The following IGF1 variants were observed in gnomAD, a reference collection of about 807,000 sequenced individuals.
IGF1 encodes insulin-like growth factor 1.
A neutral mutation model predicts 13.8 loss-of-function variants in IGF1; 4 were observed. The observed-to-expected ratio is 0.29, with a 90% CI of 0.14 to 0.66. IGF1 has a LOEUF of 0.66. Ranked by LOEUF, IGF1 falls within the 30% of genes least tolerant of loss-of-function variation. The probability of loss-of-function intolerance (pLI) is 0.78; values close to 1 mark genes in which losing one functional copy is unlikely to be tolerated. For missense variants in IGF1, 124 were observed against 188.5 expected (o/e 0.66, Z 2.00); for synonymous variants, 76 against 72.6 (o/e 1.05, Z -0.23).
upstream of IGF1, among the ~76,000 whole-genome samples, chr12:102,481,351 GT>G (rs1881383324): frequency 9.8e-6 from 1 of 102,068 alleles, no homozygotes; most frequent in Non-Finnish European, 1.8e-5. Context: ...TCAAACCTGT[GT>G]GTGTGTGTGT....
intron 2 of IGF1, among the ~76,000 whole-genome samples, chr12:102,426,129 G>C (rs1025559755): frequency 1.3e-5 from 2 of 152,150 alleles, no homozygotes; most frequent in Non-Finnish European, 1.5e-5. Context: ...TGTGACATCT[G>C]TCATACCAAT....
At chr12:102,443,715 AC>A (rs1878062966) in intron 2 of IGF1, among the ~76,000 whole-genome samples, 1 of 152,082 alleles carries the variant, frequency 6.6e-6, no homozygotes, top group South Asian at 2.1e-4. Context: ...ATATATTTAC[AC>A]AGAGTTTCTG....
chr12:102,402,241 T>G lies in IGF1; in HGVS notation c.*266A>C. 3.9e-6 allele frequency: 1 copy of G among 255,202 alleles called. No homozygotes were observed. 15.8% of individuals were successfully genotyped at this position (255,202 alleles called of 1,614,324 possible). A position where few individuals can be genotyped will look rare whatever the true frequency, so the allele number is the denominator to read the frequency against. ...GCAGGGACTAAGATATATATATATA[T>G]ATATTTTTTTTTTCTTTTCTATAGA... is the stretch of plus-strand genomic sequence containing the variant. On this transcript the variant is annotated 3_prime_UTR_variant, in exon 4 of 4. Transcript: ENST00000337514.
At chr12:102,455,588 G>A (rs1352284714) in intron 2 of IGF1, among the ~76,000 whole-genome samples, 1 of 152,126 alleles carries the variant, frequency 6.6e-6, no homozygotes, top group Non-Finnish European at 1.5e-5. Context: ...TCCACTCATT[G>A]CATCTACCCT....
At chr12:102,441,957 T>TCTCCTTCTCCTTCTCC (rs71438463) in intron 2 of IGF1, among the ~76,000 whole-genome samples, 4 of 134,746 alleles carry the variant, frequency 3.0e-5, no homozygotes, top group Admixed American at 2.3e-4. Context: ...TTCTTCTTCT[T>TCTCCTTCTCCTTCTCC]TTTTTTTTTT....
chr12:102,452,261 C>CA (rs538007224), intron 2 of IGF1, among the ~76,000 whole-genome samples: 10,034 of 42,112 alleles, frequency 0.24, 3,260 homozygotes, highest in African/African-American at 0.34. Flanking sequence ...GACTCCGTCT[C>CA]AAAAAAAAAA....
At chr12:102,477,025 T>C (rs1458910088) in intron 1 of IGF1, among the ~76,000 whole-genome samples, 1 of 152,180 alleles carries the variant, frequency 6.6e-6, no homozygotes. Context: ...TGAGGGGCGC[T>C]ATTAAAAGGG....
At chr12:102,407,493 T>C (rs1874278606) in intron 3 of IGF1, among the ~76,000 whole-genome samples, 1 of 152,238 alleles carries the variant, frequency 6.6e-6, no homozygotes, top group South Asian at 2.1e-4. Flanking sequence ...TTAAGGAATC[T>C]GAAACTTAGG....
intron 3 of IGF1, among the ~76,000 whole-genome samples, chr12:102,419,274 T>C (rs1307978072): frequency 1.3e-5 from 2 of 152,184 alleles, no homozygotes; most frequent in Non-Finnish European, 2.9e-5. Context: ...CCCATGTTTG[T>C]TTAGCCACTG....
At chr12:102,443,981 C>T (rs1878087629) in intron 2 of IGF1, among the ~76,000 whole-genome samples, 1 of 151,940 alleles carries the variant, frequency 6.6e-6, no homozygotes, top group Admixed American at 6.6e-5. Context: ...GTGCCTGCCA[C>T]CATGTCTGGC....
chr12:102,471,629 A>G (rs1045038554), intron 2 of IGF1, among the ~76,000 whole-genome samples: 1 of 152,202 alleles, frequency 6.6e-6, no homozygotes, highest in Non-Finnish European at 1.5e-5. Context: ...AGTATGTTTT[A>G]CAAAAGCTAT....
At chr12:102,402,805 T>A (rs1020062862) in intron 3 of IGF1, among the ~76,000 whole-genome samples, 10 of 152,190 alleles carry the variant, frequency 6.6e-5, no homozygotes, top group Non-Finnish European at 1.3e-4. Flanking sequence ...CAGACAGCTT[T>A]ATAATCACAC....
intron 2 of IGF1, among the ~76,000 whole-genome samples, chr12:102,434,239 G>A (rs1877010946): frequency 2.7e-5 from 4 of 146,626 alleles, no homozygotes; most frequent in Admixed American, 6.8e-5. Context: ...ATGCTGGTGC[G>A]CTGCACCCAC....
Position 102,402,470 on chromosome 12 carries a change from G to A in IGF1, c.*37C>T, listed in dbSNP as rs367987264. 12 of 780,424 alleles carry A rather than the reference G, an allele frequency of 1.5e-5. No homozygotes were observed. The highest frequency in any genetic ancestry group is 8.5e-5 in the African/African-American group (5 of 59,076). 48.3% of individuals were successfully genotyped at this position (780,424 alleles called of 1,614,324 possible). A position where few individuals can be genotyped will look rare whatever the true frequency, so the allele number is the denominator to read the frequency against. ...ACTCGTGCAGAGCAAAGGATCCTGC[G>A]GTGGCATGTCACTCTTCACTCCTCA... On this transcript the variant is annotated 3_prime_UTR_variant, in exon 4 of 4. Coordinates refer to ENST00000337514, the MANE Select transcript of IGF1 (RefSeq NM_000618.5).
chr12:102,478,494 G>A, intron 1 of IGF1: 2 of 1,610,122 alleles, frequency 1.2e-6, no homozygotes, highest in East Asian at 2.2e-5. Context: ...CACTGTAGGT[G>A]TAATCATTTT....
In IGF1 at chr12:102,437,244, C is replaced by T. The variant is rs574311881; in HGVS notation, c.221-17554G>A. Among the ~76,000 whole-genome samples, 6 of 152,310 alleles carry T rather than the reference C, an allele frequency of 3.9e-5. No homozygotes were observed. The South Asian group carries it at 6.2e-4, about 16-fold the overall frequency. On this transcript the variant is annotated intron_variant, in intron 2 of 3. Coordinates refer to ENST00000337514, the MANE Select transcript of IGF1 (RefSeq NM_000618.5). ...GCCTCCCTAGCAGTCTCTCATGCAA[C>T]GGCCACCTCGGGACTCTGCAGAGGA...
At chr12:102,441,916 C>CTTCTTT in intron 2 of IGF1, among the ~76,000 whole-genome samples, 1 of 87,192 alleles carries the variant, frequency 1.1e-5, no homozygotes, top group Admixed American at 1.3e-4. Flanking sequence ...GCTTCTTCTC[C>CTTCTTT]TTCTTCTTCT....
At chr12:102,419,419 G>A in intron 3 of IGF1, 90 bp downstream of exon 3, 1 of 1,280,406 alleles carries the variant, frequency 7.8e-7, no homozygotes, top group Non-Finnish European at 1.1e-6. Context: ...TAAGCCAGGA[G>A]ACTATGGGGC....
chr12:102,437,786 A>G (rs2137077878), intron 2 of IGF1, among the ~76,000 whole-genome samples: 1 of 152,358 alleles, frequency 6.6e-6, no homozygotes, highest in African/African-American at 2.4e-5. Context: ...TGTTCTCACC[A>G]CAAAGAAATG....
Sources: allele counts gnomAD v4.1 joint callset (sites outside exome capture counted in the v4.1 genomes callset), GRCh38; gene constraint gnomAD v4.1.1; transcripts MANE v1.5; gene names NCBI Gene and HGNC (gene_info 2026-07-23, HGNC 2026-07-21).